The following SBK1 variants were observed in gnomAD, a reference collection of about 807,000 sequenced individuals.
The protein encoded by SBK1 is serine/threonine-protein kinase SBK1.
A neutral mutation model predicts 24.4 loss-of-function variants in SBK1; 11 were observed. That is an observed-to-expected ratio of 0.45 (90% confidence interval 0.28 to 0.75). SBK1 has a LOEUF of 0.75. Among genes scored for constraint, SBK1 ranks in the 30% least tolerant of loss-of-function variants. SBK1 has a pLI of 0.12. For missense variants in SBK1, 467 were observed against 620.5 expected, an observed-to-expected ratio of 0.75 and a Z score of 2.63; for synonymous variants, 308 against 284.4, an observed-to-expected ratio of 1.08 and a Z score of -0.83.
chr16:28,318,805 A>G (rs1361647021), intron 2 of SBK1, among the ~76,000 whole-genome samples, 190 bp from the exon 3 acceptor site: 1 of 152,146 alleles, frequency 6.6e-6, no homozygotes, highest in Non-Finnish European at 1.5e-5. Context: ...TAGAAGGCTC[A>G]GGTTGACCCT....
At chr16:28,302,244 A>G (rs2044684532) in intron 1 of SBK1, among the ~76,000 whole-genome samples, 1 of 152,352 alleles carries the variant, frequency 6.6e-6, no homozygotes, top group Non-Finnish European at 1.5e-5. Context: ...CCTGGGACCA[A>G]CAGCAGAGGC....
chr16:28,283,381 G>A (rs1567673017), intron 1 of SBK1, among the ~76,000 whole-genome samples: 4 of 152,226 alleles, frequency 2.6e-5, no homozygotes, highest in South Asian at 2.1e-4. Flanking sequence ...GGGATCAAAC[G>A]ATGACAAGGA....
At chr16:28,285,189 T>G (rs903350536) in intron 1 of SBK1, 1 of 152,254 alleles carries the variant, frequency 6.6e-6, no homozygotes, top group Non-Finnish European at 1.5e-5. Flanking sequence ...TTCTCCCTCC[T>G]CAGTCTCCCA....
chr16:28,314,324 C>CT (rs11462703), intron 1 of SBK1, among the ~76,000 whole-genome samples: 8,306 of 94,480 alleles, frequency 0.088, 881 homozygotes, highest in African/African-American at 0.21. Flanking sequence ...ACCCAGCTAA[C>CT]TTTTTTTTTT....
At chr16:28,268,627 G>A (rs572480701) in intron 1 of SBK1, among the ~76,000 whole-genome samples, 1 of 152,080 alleles carries the variant, frequency 6.6e-6, no homozygotes, top group South Asian at 2.1e-4. Flanking sequence ...ATCAGGCATG[G>A]TGGCACGTGC....
chr16:28,269,773 G>T (rs183475548), intron 1 of SBK1, among the ~76,000 whole-genome samples: 252 of 151,806 alleles, frequency 1.7e-3, no homozygotes, highest in Middle Eastern at 3.5e-3. Context: ...CTACTCTCAA[G>T]GCTGAGGCAC....
intron 1 of SBK1, among the ~76,000 whole-genome samples, chr16:28,296,761 C>T (rs1254625148): frequency 6.6e-6 from 1 of 152,148 alleles, no homozygotes; most frequent in Non-Finnish European, 1.5e-5. Context: ...CAACCAAAAA[C>T]CTGTTTTCTC....
At chr16:28,316,784 T>C (rs2044799453) in intron 1 of SBK1, among the ~76,000 whole-genome samples, 1 of 152,008 alleles carries the variant, frequency 6.6e-6, no homozygotes, top group African/African-American at 2.4e-5. Flanking sequence ...GAGGCTGAGA[T>C]GGGAGGATAG....
At chr16:28,269,863 A>G (rs2044453603) in intron 1 of SBK1, among the ~76,000 whole-genome samples, 1 of 151,988 alleles carries the variant, frequency 6.6e-6, no homozygotes, top group Non-Finnish European at 1.5e-5. Flanking sequence ...GTGACAGAGC[A>G]AGACTCCGTC....
intron 1 of SBK1, among the ~76,000 whole-genome samples, chr16:28,281,007 G>C (rs755370497): frequency 4.6e-5 from 7 of 152,106 alleles, no homozygotes; most frequent in Non-Finnish European, 7.4e-5. Flanking sequence ...GTAGCTACAG[G>C]TCTTGGTAGT....
At chr16:28,301,694 A>G (rs1369230030) in intron 1 of SBK1, among the ~76,000 whole-genome samples, 1 of 152,238 alleles carries the variant, frequency 6.6e-6, no homozygotes, top group African/African-American at 2.4e-5. Context: ...AGGCACAGTG[A>G]GAGGAAGGCC....
Position 28,320,852 on chromosome 16 carries a change from G to T in SBK1, c.1206G>T (p.Arg402=). The change falls in exon 4 of 4, where the codon CGG becomes CGT. Residue 402 remains arginine (R), a synonymous_variant. Coordinates refer to ENST00000341901, the MANE Select transcript of SBK1 (RefSeq NM_001024401.3). This position sits in a 1 kb window ranked among gnomAD's most constrained non-coding sequence, Gnocchi z 8.5. ...PGLAPQGPPG[R]TDGRADKSKG... ...TAGCTCCCCAGGGGCCCCCCGGCCG[G>T]ACCGACGGCCGCGCGGACAAGAGCA... 1.3e-6 allele frequency: 2 copies of T among 1,483,470 alleles called. No homozygotes were observed. Among genetic ancestry groups the T allele is most frequent in the Non-Finnish European group, 1.8e-6 (2 of 1,119,798 alleles). The allele number at this position is 1,483,470 out of a possible 1,614,324, so 91.9% of individuals were successfully genotyped here. A position where few individuals can be genotyped will look rare whatever the true frequency, so the allele number is the denominator to read the frequency against.
At position 28,317,073 on chromosome 16, in the gene SBK1, G is replaced by A. The variant is rs1474726590; in HGVS notation, c.-7-312G>A. ...GAGTACCCGTGTGAACTCGGTATCTGGCTGTGTCTGTGTGACATAAACAGG... is the reference window on the plus strand; with the variant it reads ...GAGTACCCGTGTGAACTCGGTATCTAGCTGTGTCTGTGTGACATAAACAGG... On this transcript the variant is annotated intron_variant, in intron 1 of 3. Transcript: ENST00000341901. This position sits in a 1 kb window ranked among gnomAD's most constrained non-coding sequence, Gnocchi z 4.2. Among the ~76,000 whole-genome samples the A allele has an allele frequency of 6.6e-6, 1 of 152,212 alleles. No individual in the cohort carries two copies. The highest frequency in any genetic ancestry group is 2.4e-5 in the African/African-American group (1 of 41,460).
At chr16:28,265,147 T>C (rs921129971) in intron 1 of SBK1, among the ~76,000 whole-genome samples, 7 of 151,248 alleles carry the variant, frequency 4.6e-5, no homozygotes, top group African/African-American at 1.7e-4. Flanking sequence ...ACTTGTGCGA[T>C]GGCTCACAGC....
chr16:28,295,660 G>T (rs1161813136), intron 1 of SBK1, among the ~76,000 whole-genome samples: 1 of 152,070 alleles, frequency 6.6e-6, no homozygotes, highest in Non-Finnish European at 1.5e-5. Flanking sequence ...GATTTTTGTT[G>T]GTCCAATGTA....
chr16:28,299,747 G>T (rs914698032), intron 1 of SBK1, among the ~76,000 whole-genome samples: 4 of 152,222 alleles, frequency 2.6e-5, no homozygotes, highest in African/African-American at 9.6e-5. Context: ...TCCAGGCCAG[G>T]TTGGCTTCAG....
At chr16:28,282,249 T>C (rs1045422524) in intron 1 of SBK1, among the ~76,000 whole-genome samples, 3 of 152,116 alleles carry the variant, frequency 2.0e-5, no homozygotes, top group Non-Finnish European at 4.4e-5. Flanking sequence ...CAGGTGGGAC[T>C]TACCGGAGTT....
At chr16:28,260,866 C>T (rs1335068110) in intron 1 of SBK1, among the ~76,000 whole-genome samples, 5 of 152,134 alleles carry the variant, frequency 3.3e-5, no homozygotes, top group African/African-American at 1.2e-4. Flanking sequence ...CAAAACAGAC[C>T]ACCTCTGCCC....
intron 1 of SBK1, among the ~76,000 whole-genome samples, chr16:28,269,792 C>T (rs914911904): frequency 1.3e-5 from 2 of 152,090 alleles, no homozygotes; most frequent in Admixed American, 1.3e-4. Context: ...ACGAGAATCG[C>T]TTGAACTCGG....
Sources: gnomAD v4.1 joint callset for allele counts (sites outside exome capture counted in the v4.1 genomes callset) on GRCh38, gnomAD v4.1.1 for gene constraint, Gnocchi (gnomAD v3.1) non-coding constraint, MANE v1.5 for transcripts, NCBI Gene and HGNC (gene_info 2026-07-23, HGNC 2026-07-21) for gene names.